The following ABHD2 variants were observed in gnomAD, a reference collection of about 807,000 sequenced individuals.
The protein encoded by ABHD2 is abhydrolase domain containing 2, acylglycerol lipase, also known as monoacylglycerol lipase ABHD2.
ABHD2 carries 20 observed loss-of-function variants against 48.1 expected under a neutral mutation model. The ratio of observed to expected loss-of-function variants is 0.42; its 90% CI spans 0.29 to 0.60. The LOEUF (loss-of-function observed/expected upper bound fraction) is 0.60, where lower values mean the gene tolerates loss of function less well. ABHD2 is among the 20% of genes least tolerant of loss of function. The probability of loss-of-function intolerance (pLI) is 0.24; values close to 1 mark genes in which losing one functional copy is unlikely to be tolerated. For missense variants in ABHD2, 405 were observed against 550.9 expected, an observed-to-expected ratio of 0.74 and a Z score of 2.65; for synonymous variants, 209 against 214.2, an observed-to-expected ratio of 0.98 and a Z score of 0.21.
At chr15:89,066,456 C>T in the ABHD2 span, among the ~76,000 whole-genome samples, 2 of 152,212 alleles carry the variant, frequency 1.3e-5, no homozygotes, top group East Asian at 3.9e-4. Context: ...TACCTTAATC[C>T]AGTATGACCT....
chr15:89,151,904 A>ACTAGT lies in ABHD2; in HGVS notation c.370+52_370+53insCTAGT, dbSNP rs761532224. ...AGCCATCACTCAGAGAAGGAGCACT[A>ACTAGT]GTCAGTGGAGAGCACAGCAGTGTGA... On this transcript the variant is annotated intron_variant, in intron 4 of 10. Coordinates refer to ENST00000352732, the MANE Select transcript of ABHD2 (RefSeq NM_152924.5). The surrounding 1 kb of genome is among the most constrained non-coding windows in gnomAD (Gnocchi z 4.7). 1.0e-5 allele frequency: 16 copies of ACTAGT among 1,590,142 alleles called. No individual in the cohort carries two copies. Among genetic ancestry groups the ACTAGT allele is most frequent in the African/African-American group, 1.3e-5 (1 of 74,624 alleles).
At chr15:89,066,387 C>T in the ABHD2 span, among the ~76,000 whole-genome samples, 1,368 of 152,226 alleles carry the variant, frequency 9.0e-3, 24 homozygotes, top group African/African-American at 0.031. Context: ...TGTATCTCTC[C>T]GTATTCAAAT....
At chr15:89,050,034 T>G in the ABHD2 span, among the ~76,000 whole-genome samples, 1 of 152,196 alleles carries the variant, frequency 6.6e-6, no homozygotes, top group African/African-American at 2.4e-5. Flanking sequence ...GGACTACATT[T>G]TCATAGGTCT....
At chr15:89,154,875 T>C (rs2050646155) in intron 4 of ABHD2, among the ~76,000 whole-genome samples, 1 of 152,240 alleles carries the variant, frequency 6.6e-6, no homozygotes, top group Admixed American at 6.5e-5. Flanking sequence ...GTTTTACATA[T>C]GTACAATTAC....
chr15:89,069,306 T>C, the ABHD2 span, among the ~76,000 whole-genome samples: 1 of 151,908 alleles, frequency 6.6e-6, no homozygotes, highest in Non-Finnish European at 1.5e-5. Context: ...TAAGTAAATT[T>C]TTTTAAAGAT....
At chr15:89,096,675 C>T (rs1221708231) in intron 1 of ABHD2, among the ~76,000 whole-genome samples, 2 of 152,148 alleles carry the variant, frequency 1.3e-5, no homozygotes, top group African/African-American at 4.8e-5. Context: ...CCTGTCTGTT[C>T]GGACCCTGAA....
rs71149278 is a variant in ABHD2 at position 89,172,033 on chromosome 15, T to TAA, written c.539-3772_539-3771dup. Among the ~76,000 whole-genome samples, 634 of 150,508 alleles carry TAA rather than the reference T, an allele frequency of 4.2e-3. 3 individuals carry two copies. The highest frequency in any genetic ancestry group is 0.01 in the African/African-American group (419 of 40,770). On this transcript the variant is annotated intron_variant, in intron 5 of 10. Transcript: ENST00000352732. ...ATAAATATTTTTCCTGCTTTTTTTTTAAAAAAAATCCCCAGGTGATTCTAA... is the reference window on the plus strand; with the variant it reads ...ATAAATATTTTTCCTGCTTTTTTTTTAAAAAAAAAATCCCCAGGTGATTCTAA...
In ABHD2 at chr15:89,164,931, A is replaced by C. The variant is rs1209062293; in HGVS notation, c.538+9397A>C. On this transcript the variant is annotated intron_variant, in intron 5 of 10. Transcript: ENST00000352732. This position sits in a 1 kb window ranked among gnomAD's most constrained non-coding sequence, Gnocchi z 5.0. ...AGGAGAAAAGGTAAACATTTACTTG[A>C]ACTGTTAAATGACCTTACCTCTGCA... is the stretch of plus-strand genomic sequence containing the variant. 1.3e-5 allele frequency among the ~76,000 whole-genome samples: 2 copies of C among 152,212 alleles called. No individual in the cohort carries two copies. The highest frequency in any genetic ancestry group is 2.9e-5 in the Non-Finnish European group (2 of 68,040).
Position 89,164,701 on chromosome 15 carries a change from C to T in ABHD2, c.538+9167C>T, listed in dbSNP as rs1456701325. On this transcript the variant is annotated intron_variant, in intron 5 of 10. Coordinates refer to ENST00000352732, the MANE Select transcript of ABHD2 (RefSeq NM_152924.5). The surrounding 1 kb of genome is among the most constrained non-coding windows in gnomAD (Gnocchi z 5.0). ...CTGGGAGGCAAAGGCAGGAGAATCG[C>T]TTGAGCCCAGGAGTGCAGTGAGCCA... is the stretch of plus-strand genomic sequence containing the variant. Among the ~76,000 whole-genome samples the T allele has an allele frequency of 6.6e-6, 1 of 151,994 alleles. No homozygotes were observed. The highest frequency in any genetic ancestry group is 1.5e-5 in the Non-Finnish European group (1 of 68,014).
intron 3 of ABHD2, among the ~76,000 whole-genome samples, chr15:89,142,029 G>C (rs1567087571): frequency 6.6e-6 from 1 of 152,176 alleles, no homozygotes; most frequent in Non-Finnish European, 1.5e-5. Context: ...GGAGTCTCTA[G>C]AATGAAAGCA....
the ABHD2 span, among the ~76,000 whole-genome samples, chr15:89,057,795 A>G: frequency 6.6e-6 from 1 of 151,952 alleles, no homozygotes; most frequent in Admixed American, 6.6e-5. Flanking sequence ...AAAGAAACAA[A>G]CCTGCCAGAA....
intron 3 of ABHD2, among the ~76,000 whole-genome samples, chr15:89,129,207 G>C (rs536237330): frequency 6.6e-6 from 1 of 152,064 alleles, no homozygotes; most frequent in Non-Finnish European, 1.5e-5. Flanking sequence ...GGGAGGTTGT[G>C]GGGGTGGGCA....
At chr15:89,110,340 C>G (rs374263606) in intron 1 of ABHD2, among the ~76,000 whole-genome samples, 3 of 151,786 alleles carry the variant, frequency 2.0e-5, no homozygotes, top group South Asian at 4.2e-4. Context: ...GGATTACAGG[C>G]GTGAGTCCCC....
chr15:89,083,205 T>G (rs1209814774), upstream of ABHD2, among the ~76,000 whole-genome samples: 2 of 152,178 alleles, frequency 1.3e-5, no homozygotes, highest in African/African-American at 4.8e-5. The surrounding 1 kb of genome is among the most constrained non-coding windows in gnomAD (Gnocchi z 5.1). Flanking sequence ...TTTTTTACAC[T>G]GCATCTCGCC....
rs1384681814 is a variant in ABHD2, at chr15:89,185,828, G to A, written c.815+312G>A. Among the ~76,000 whole-genome samples, 1 of 152,156 alleles carries A rather than the reference G, an allele frequency of 6.6e-6. No individual in the cohort carries two copies. Among genetic ancestry groups the A allele is most frequent in the Non-Finnish European group, 1.5e-5 (1 of 68,034 alleles). ...TACCAAAAATACAAAAATTAGCTGG[G>A]CATGATGGTGCCGCTGTAATCCCAG... On this transcript the variant is annotated intron_variant, in intron 7 of 10. Transcript: ENST00000352732. This position sits in a 1 kb window ranked among gnomAD's most constrained non-coding sequence, Gnocchi z 5.9.
chr15:89,191,217 C>A, intron 9 of ABHD2, 68 bp downstream of exon 9: 1 of 1,505,680 alleles, frequency 6.6e-7, no homozygotes, highest in Non-Finnish European at 9.1e-7. Context: ...ACGACAGATA[C>A]CTCTCCTGAA....
the ABHD2 span, among the ~76,000 whole-genome samples, chr15:89,066,099 CT>C: frequency 6.6e-6 from 1 of 152,176 alleles, no homozygotes; most frequent in Non-Finnish European, 1.5e-5. Context: ...TATATCCTCT[CT>C]TTGGAAAGAG....
chr15:89,088,849 C>G lies in ABHD2; in HGVS notation c.-107+286C>G, dbSNP rs984625972. 3.9e-5 allele frequency among the ~76,000 whole-genome samples: 6 copies of G among 152,228 alleles called. No homozygotes were observed. The highest frequency in any genetic ancestry group is 5.9e-5 in the Non-Finnish European group (4 of 68,032). ...ACAACCCCGACCGCGGCCTTTCCCC[C>G]ATTGGTGCTCACTCCTGGGTCTTCA... On this transcript the variant is annotated intron_variant, in intron 1 of 10. Coordinates refer to ENST00000352732, the MANE Select transcript of ABHD2 (RefSeq NM_152924.5). This position sits in a 1 kb window ranked among gnomAD's most constrained non-coding sequence, Gnocchi z 6.8.
rs1489582587 is a variant in ABHD2, at chr15:89,120,270, A to G, written c.194+3749A>G. Among the ~76,000 whole-genome samples, 1 of 152,166 alleles carries G rather than the reference A, an allele frequency of 6.6e-6. No individual in the cohort carries two copies. Among genetic ancestry groups the G allele is most frequent in the Admixed American group, 6.5e-5 (1 of 15,274 alleles). Reference sequence around the variant, plus strand: ...GGGATGTTATGTCTCCTGTTCTCTTAGAAACAGATCAATATTTACCTAGTG... The same window carrying G: ...GGGATGTTATGTCTCCTGTTCTCTTGGAAACAGATCAATATTTACCTAGTG... On this transcript the variant is annotated intron_variant, in intron 3 of 10. Coordinates refer to ENST00000352732, the MANE Select transcript of ABHD2 (RefSeq NM_152924.5). This position sits in a 1 kb window ranked among gnomAD's most constrained non-coding sequence, Gnocchi z 4.2.
Sources: gnomAD v4.1 joint callset for allele counts (sites outside exome capture counted in the v4.1 genomes callset) on GRCh38, gnomAD v4.1.1 for gene constraint, Gnocchi (gnomAD v3.1) non-coding constraint, MANE v1.5 for transcripts, NCBI Gene and HGNC (gene_info 2026-07-23, HGNC 2026-07-21) for gene names.